The following TENM3 variants were observed in gnomAD, a reference collection of about 807,000 sequenced individuals.
TENM3 encodes teneurin-3.
Under a neutral mutation model 255.1 loss-of-function variants are expected in TENM3, and 63 were observed. That is an observed-to-expected ratio of 0.25 (90% confidence interval 0.20 to 0.30). The LOEUF (loss-of-function observed/expected upper bound fraction) is 0.30. Ranked by LOEUF, TENM3 falls within the 10% of genes least tolerant of loss-of-function variation. The pLI, the probability that TENM3 is intolerant of heterozygous loss-of-function variation, is 1.00. For synonymous variants in TENM3, 1,306 were observed against 1,322.3 expected (o/e 0.99, Z 0.27); for missense variants, 2,929 against 3,461.1 (o/e 0.85, Z 3.86).
chr4:182,709,949 C>A (rs1758626934), intron 12 of TENM3, among the ~76,000 whole-genome samples: 1 of 152,180 alleles, frequency 6.6e-6, no homozygotes. Context: ...CTTTCTACTT[C>A]TGATGTTCTG....
intron 3 of TENM3, among the ~76,000 whole-genome samples, chr4:182,470,548 A>G (rs1027981636): frequency 4.6e-5 from 7 of 152,220 alleles, no homozygotes; most frequent in African/African-American, 1.2e-4. Flanking sequence ...AGGGAAAAAC[A>G]TACATTAATG....
the TENM3 span, among the ~76,000 whole-genome samples, chr4:181,818,288 T>A: frequency 1.3e-5 from 2 of 152,164 alleles, no homozygotes; most frequent in African/African-American, 4.8e-5. Flanking sequence ...GTACGGGAGA[T>A]TATTTTTGAT....
intron 22 of TENM3, among the ~76,000 whole-genome samples, chr4:182,756,034 T>A (rs1762726762): frequency 2.0e-5 from 3 of 152,204 alleles, no homozygotes; most frequent in South Asian, 4.1e-4. Context: ...TAGCAAACCT[T>A]CTGAGAAGCA....
At chr4:182,069,395 G>T in the TENM3 span, among the ~76,000 whole-genome samples, 1 of 151,960 alleles carries the variant, frequency 6.6e-6, no homozygotes, top group African/African-American at 2.4e-5. Flanking sequence ...GCCTCATTTT[G>T]CTCACTGTAA....
At chr4:181,682,977 G>T in the TENM3 span, among the ~76,000 whole-genome samples, 7 of 151,972 alleles carry the variant, frequency 4.6e-5, no homozygotes, top group South Asian at 1.5e-3. Context: ...GCTTTGGGAG[G>T]CAGAGATGGA....
At chr4:181,538,802 C>A in the TENM3 span, among the ~76,000 whole-genome samples, 1 of 152,142 alleles carries the variant, frequency 6.6e-6, no homozygotes, top group Non-Finnish European at 1.5e-5. Flanking sequence ...CCTTTTCTTA[C>A]CATTTGCCTT....
At chr4:182,318,035 G>T (rs549812111) in intron 1 of TENM3, among the ~76,000 whole-genome samples, 1 of 152,108 alleles carries the variant, frequency 6.6e-6, no homozygotes, top group Non-Finnish European at 1.5e-5. Flanking sequence ...AAAATGTGTT[G>T]GTGTAAATTA....
At chr4:181,873,821 G>A in the TENM3 span, among the ~76,000 whole-genome samples, 1 of 151,890 alleles carries the variant, frequency 6.6e-6, no homozygotes, top group Non-Finnish European at 1.5e-5. Context: ...TTGAGATGGA[G>A]TCACCCAGGC....
chr4:181,573,642 T>C, the TENM3 span, among the ~76,000 whole-genome samples: 3 of 152,198 alleles, frequency 2.0e-5, no homozygotes, highest in Non-Finnish European at 4.4e-5. Context: ...TTTCTCTGTC[T>C]GTCTGTCTCT....
the TENM3 span, among the ~76,000 whole-genome samples, chr4:181,810,981 G>A: frequency 6.6e-6 from 1 of 151,946 alleles, no homozygotes; most frequent in Non-Finnish European, 1.5e-5. Context: ...AGGAAAGAGG[G>A]GATAGAAGAA....
chr4:182,694,186 T>C (rs1387590925), intron 12 of TENM3, among the ~76,000 whole-genome samples: 1 of 152,126 alleles, frequency 6.6e-6, no homozygotes, highest in Non-Finnish European at 1.5e-5. Context: ...CACGGCTCAC[T>C]GCAGCCTCTG....
At chr4:182,672,069 C>G (rs1483772044) in intron 6 of TENM3, among the ~76,000 whole-genome samples, 1 of 152,160 alleles carries the variant, frequency 6.6e-6, no homozygotes, top group Non-Finnish European at 1.5e-5. Context: ...GCATAAGAGA[C>G]AATGTAGTTA....
At chr4:182,099,848 G>A in the TENM3 span, among the ~76,000 whole-genome samples, 1 of 152,162 alleles carries the variant, frequency 6.6e-6, no homozygotes, top group East Asian at 1.9e-4. Context: ...GAATCCATGA[G>A]CAAACAGAAG....
the TENM3 span, among the ~76,000 whole-genome samples, chr4:181,793,455 G>T: frequency 6.6e-6 from 1 of 152,166 alleles, no homozygotes; most frequent in Admixed American, 6.6e-5. Flanking sequence ...CTATCTAAAA[G>T]CATCAGGAGT....
the TENM3 span, among the ~76,000 whole-genome samples, chr4:181,952,528 A>G: frequency 1.3e-5 from 2 of 152,244 alleles, no homozygotes; most frequent in African/African-American, 4.8e-5. Context: ...AATGTTGTAA[A>G]GTGATAGACA....
chr4:182,212,895 A>T (rs1755150239), intron 1 of TENM3, among the ~76,000 whole-genome samples: 1 of 152,208 alleles, frequency 6.6e-6, no homozygotes, highest in African/African-American at 2.4e-5. Context: ...AGACAATAGG[A>T]GGCAATTTCT....
chr4:182,562,723 C>T (rs1424222855), intron 3 of TENM3, among the ~76,000 whole-genome samples: 1 of 152,114 alleles, frequency 6.6e-6, no homozygotes, highest in Non-Finnish European at 1.5e-5. Context: ...CCTGATTCAT[C>T]TTTTGTTTCT....
At chr4:182,364,574 G>A (rs1766281577) in intron 3 of TENM3, among the ~76,000 whole-genome samples, 1 of 151,948 alleles carries the variant, frequency 6.6e-6, no homozygotes, top group Non-Finnish European at 1.5e-5. Flanking sequence ...CCACCACCAC[G>A]CCCGGCTAAT....
At chr4:182,426,166 G>A (rs1771209677) in intron 3 of TENM3, among the ~76,000 whole-genome samples, 1 of 152,060 alleles carries the variant, frequency 6.6e-6, no homozygotes, top group South Asian at 2.1e-4. Context: ...ATTTACATGT[G>A]AACCATAAGT....
Sources: allele counts gnomAD v4.1 joint callset (sites outside exome capture counted in the v4.1 genomes callset), GRCh38; gene constraint gnomAD v4.1.1; transcripts MANE v1.5; gene names NCBI Gene and HGNC (gene_info 2026-07-23, HGNC 2026-07-21).